Variants in TMEM161A observed in about 807,000 individuals in gnomAD.
TMEM161A encodes the protein transmembrane protein 161A, also known as adaptive response to oxidative stress protein 29.
In TMEM161A, 46 loss-of-function variants were observed where a neutral mutation model predicts 57.1. The observed-to-expected ratio is 0.81, with a 90% confidence interval of 0.64 to 1.03. The LOEUF (loss-of-function observed/expected upper bound fraction) is 1.03. Ranked by LOEUF, TMEM161A falls within the 50% of genes least tolerant of loss-of-function variation. TMEM161A has a pLI of 0.00. For synonymous variants in TMEM161A, 288 were observed against 279.0 expected (o/e 1.03, Z -0.32); for missense variants, 601 against 621.5 (o/e 0.97, Z 0.35).
In TMEM161A at chr19:19,132,636, G is replaced by C; in HGVS notation, c.286+21C>G. 6.4e-7 allele frequency: 1 copy of C among 1,556,104 alleles called. No homozygotes were observed. The highest frequency in any genetic ancestry group is 1.2e-5 in the South Asian group (1 of 81,462). ...TTCAGGGCTGAGGGAGTAGAGTTTA[G>C]GGATGGGACTGGGCTATTACCCAGG... is the stretch of plus-strand genomic sequence containing the variant. On this transcript the variant is annotated intron_variant, in intron 4 of 11. Coordinates refer to ENST00000162044, the MANE Select transcript of TMEM161A (RefSeq NM_017814.3). The surrounding 1 kb of genome is among the most constrained non-coding windows in gnomAD (Gnocchi z 4.3).
At chr19:19,134,717 CGG>C (rs2059976437) in intron 2 of TMEM161A, 65 bp downstream of exon 2, 7 of 1,184,660 alleles carry the variant, frequency 5.9e-6, no homozygotes, top group Non-Finnish European at 7.2e-6. Context: ...ATTTGTGAGG[CGG>C]GGCGTGGGGA....
At chr19:19,135,839 C>A (rs1024041200) in intron 1 of TMEM161A, among the ~76,000 whole-genome samples, 1 of 152,092 alleles carries the variant, frequency 6.6e-6, no homozygotes, top group South Asian at 2.1e-4. Flanking sequence ...GCCTCCCAAA[C>A]GGTTGGGATT....
rs774681415 is a variant in TMEM161A at position 19,134,769 on chromosome 19, C to T, written c.107+15G>A. 4 of 1,543,404 alleles carry T rather than the reference C, an allele frequency of 2.6e-6. No homozygotes were observed. In the South Asian group the frequency reaches 3.6e-5, roughly 14 times the overall value. On this transcript the variant is annotated intron_variant, in intron 2 of 11. Transcript: ENST00000162044. The stretch of plus-strand genomic sequence containing the variant: ...TGACTCCGCGGGCCCCTCCCACCGC[C>T]GGGGCGGGGCTCACCTGCCGTTACA...
chr19:19,123,899 A>T (rs1304738098), intron 6 of TMEM161A, among the ~76,000 whole-genome samples: 1 of 152,108 alleles, frequency 6.6e-6, no homozygotes, highest in Non-Finnish European at 1.5e-5. Context: ...GGCTCTACTA[A>T]AAATCCAAAA....
At position 19,120,789 on chromosome 19, in the gene TMEM161A, A is replaced by G. The variant is rs746727754; in HGVS notation, c.1162T>C (p.Cys388Arg). The change falls in exon 11 of 12, where the codon TGC (cysteine) becomes CGC (arginine). Residue 388 changes from cysteine (C) to arginine (R), a missense_variant. By Grantham distance (180) the Cys-to-Arg change is radical. Coordinates refer to ENST00000162044, the MANE Select transcript of TMEM161A (RefSeq NM_017814.3). Reference protein sequence around the residue: ...YLTPLILTLNCTLLLKTLGGY... With the variant: ...YLTPLILTLNRTLLLKTLGGY... ...CCCAGCGTCTTGAGCAGAAGTGTGC[A>G]GTTGAGGGTGAGGATGAGCGGCGTC... 6.2e-7 allele frequency: 1 copy of G among 1,613,292 alleles called. No individual in the cohort carries two copies. Among genetic ancestry groups the G allele is most frequent in the Non-Finnish European group, 8.5e-7 (1 of 1,179,940 alleles).
intron 1 of TMEM161A, 71 bp from the exon 2 acceptor site, chr19:19,134,958 G>A (rs983890234): frequency 8.6e-7 from 1 of 1,166,902 alleles, no homozygotes; most frequent in South Asian, 1.3e-5. Context: ...TAGGAACCCA[G>A]GCTATTTATA....
chr19:19,128,533 ATTTTTTTTT>A (rs755755153), intron 6 of TMEM161A, among the ~76,000 whole-genome samples: 1 of 110,546 alleles, frequency 9.0e-6, no homozygotes, highest in African/African-American at 3.4e-5. Context: ...CCTGGCCTAC[ATTTTTTTTT>A]TTTTTTTTTT....
chr19:19,134,852 G>T lies in TMEM161A; in HGVS notation c.39C>A (p.Leu13=). 6.3e-7 allele frequency: 1 copy of T among 1,598,658 alleles called. No individual in the cohort carries two copies. Among genetic ancestry groups the T allele is most frequent in the East Asian group, 2.3e-5 (1 of 43,902 alleles). The change falls in exon 2 of 12, where the codon CTC becomes CTA. Residue 13 remains leucine (L), a synonymous_variant. Transcript: ENST00000162044. The part of the protein sequence containing the change: ...VLGVQLVVTL[L]TATLMHRLAP... The stretch of plus-strand genomic sequence containing the variant: ...CCAGCCTGTGCATGAGGGTGGCAGT[G>T]AGCAGGGTCACCACCAGCTGTACTC...
In TMEM161A at chr19:19,128,925, A is replaced by G. The variant is rs1161033708; in HGVS notation, c.595+1231T>C. On this transcript the variant is annotated intron_variant, in intron 6 of 11. Transcript: ENST00000162044. Reference sequence around the variant, plus strand: ...TGTTTTGTCTATTTTACCACAATGAAAAAAAATTCAAAGAGAAAAAAGATT... The same window carrying G: ...TGTTTTGTCTATTTTACCACAATGAGAAAAAATTCAAAGAGAAAAAAGATT... 4.6e-5 allele frequency among the ~76,000 whole-genome samples: 7 copies of G among 152,202 alleles called. No homozygotes were observed. In the East Asian group the frequency reaches 1.2e-3, roughly 25 times the overall value.
In TMEM161A at chr19:19,134,899, G is replaced by A. The variant is rs1261295209; in HGVS notation, c.4-12C>T. On this transcript the variant is annotated splice_polypyrimidine_tract_variant and intron_variant, in intron 1 of 11. Coordinates refer to ENST00000162044, the MANE Select transcript of TMEM161A (RefSeq NM_017814.3). ...ACTCCGAGGACCGCCTGGGGGGAGG[G>A]GACATGACTGGCAGCACCTGCCAGA... 3 of 1,557,194 alleles carry A rather than the reference G, an allele frequency of 1.9e-6. No homozygotes were observed. Among genetic ancestry groups the A allele is most frequent in the Non-Finnish European group, 1.7e-6 (2 of 1,145,912 alleles).
chr19:19,130,241 G>A lies in TMEM161A; in HGVS notation c.510C>T (p.Cys170=), dbSNP rs762198710. ...GCAGGAAGAGGAAGGCAAAGGTGAG[G>A]CAGACAGAGCGCTCACCCCCCTCCT... is the stretch of plus-strand genomic sequence containing the variant. ...SAEEGGERSV[C]LTFAFLFLLL... is the part of the protein sequence containing the mutation. The change falls in exon 6 of 12, where the codon TGC becomes TGT. Residue 170 remains cysteine, a synonymous_variant. Transcript: ENST00000162044. 1 of 1,613,952 alleles carries A rather than the reference G, an allele frequency of 6.2e-7. No individual in the cohort carries two copies. Among genetic ancestry groups the A allele is most frequent in the East Asian group, 2.2e-5 (1 of 44,876 alleles).
chr19:19,131,524 AC>A, intron 5 of TMEM161A, among the ~76,000 whole-genome samples: 1 of 151,860 alleles, frequency 6.6e-6, no homozygotes, highest in South Asian at 2.1e-4. Flanking sequence ...ACACACACAC[AC>A]ACACACAATT....
chr19:19,134,647 A>C, intron 2 of TMEM161A, 137 bp downstream of exon 2: 1 of 626,008 alleles, frequency 1.6e-6, no homozygotes, highest in Non-Finnish European at 2.8e-6. Context: ...GTTGTACTTC[A>C]ATTACACCTC....
Position 19,127,976 on chromosome 19 carries a change from A to G in TMEM161A, c.595+2180T>C, listed in dbSNP as rs533342193. On this transcript the variant is annotated intron_variant, in intron 6 of 11. Transcript: ENST00000162044. ...AAAAAATTCTAACACCTGCTACAACATGGATATGCCTTGAGGACATTGTGC... is the reference window on the plus strand; with the variant it reads ...AAAAAATTCTAACACCTGCTACAACGTGGATATGCCTTGAGGACATTGTGC... Among the ~76,000 whole-genome samples, 27 of 152,204 alleles carry G rather than the reference A, an allele frequency of 1.8e-4. No individual in the cohort carries two copies. The South Asian group carries it at 5.6e-3, about 32-fold the overall frequency.
rs1381213758 is a variant in TMEM161A, at chr19:19,134,830, G to T, written c.61C>A (p.Leu21Met). 2 of 1,598,396 alleles carry T rather than the reference G, an allele frequency of 1.3e-6. No individual in the cohort carries two copies. The highest frequency in any genetic ancestry group is 4.6e-5 in the East Asian group (2 of 43,870). ...CGCGCGAAGGAGCAGTGTGGCGCCAGCCTGTGCATGAGGGTGGCAGTGAGC... is the reference window on the plus strand; with the variant it reads ...CGCGCGAAGGAGCAGTGTGGCGCCATCCTGTGCATGAGGGTGGCAGTGAGC... ...TLLTATLMHR[L>M]APHCSFARWL... is the part of the protein sequence containing the mutation. Residue 21 changes from leucine (L) to methionine (M), a missense_variant, in exon 2 of 12, where the codon CTG (leucine) becomes ATG (methionine). Leu to Met is a conservative substitution (Grantham distance 15, BLOSUM62 2). Transcript: ENST00000162044.
intron 1 of TMEM161A, 52 bp downstream of exon 1, chr19:19,138,374 C>A (rs1001499764): frequency 6.3e-7 from 1 of 1,585,370 alleles, no homozygotes; most frequent in East Asian, 2.3e-5. Flanking sequence ...TGGACCCCTT[C>A]GGCTGGACCT....
intron 6 of TMEM161A, among the ~76,000 whole-genome samples, chr19:19,124,054 C>CAA (rs543778130): frequency 1.5e-5 from 2 of 132,266 alleles, no homozygotes; most frequent in Non-Finnish European, 1.6e-5. Flanking sequence ...AACTCTGTCT[C>CAA]AAAAAAAAAA....
chr19:19,126,164 CAAA>C (rs11297146), intron 6 of TMEM161A, among the ~76,000 whole-genome samples: 20 of 134,692 alleles, frequency 1.5e-4, no homozygotes, highest in Admixed American at 3.7e-4. Flanking sequence ...GACTCTGTCT[CAAA>C]AAAAAAAAAA....
At position 19,138,410 on chromosome 19, in the gene TMEM161A, C is replaced by A. The variant is rs779494265; in HGVS notation, c.3+16G>T. On this transcript the variant is annotated intron_variant, in intron 1 of 11. Transcript: ENST00000162044. ...CGGCCCTGCAGAACCCCCCACTTCG[C>A]GGGACGCTCGCTCACCATGACGCGT... is the stretch of plus-strand genomic sequence containing the variant. 4 of 1,602,728 alleles carry A rather than the reference C, an allele frequency of 2.5e-6. No homozygotes were observed. Among genetic ancestry groups the A allele is most frequent in the Admixed American group, 1.7e-5 (1 of 58,956 alleles).
Sources: allele counts gnomAD v4.1 joint callset (sites outside exome capture counted in the v4.1 genomes callset), GRCh38; gene constraint gnomAD v4.1.1; non-coding constraint Gnocchi (gnomAD v3.1); transcripts MANE v1.5; gene names NCBI Gene and HGNC (gene_info 2026-07-23, HGNC 2026-07-21).